The following PCDHGB6 variants were observed in gnomAD, a reference collection of about 807,000 sequenced individuals.
The protein encoded by PCDHGB6 is protocadherin gamma-B6.
PCDHGB6 carries 51 observed loss-of-function variants against 59.1 expected under a neutral mutation model. The observed-to-expected ratio is 0.86, with a 90% CI of 0.69 to 1.09. The LOEUF is 1.09. Among genes scored for constraint, PCDHGB6 ranks in the 50% least tolerant of loss-of-function variants. PCDHGB6 has a pLI of 0.00. For missense variants in PCDHGB6, 1,148 were observed against 1,205.1 expected (o/e 0.95, Z 0.70); for synonymous variants, 466 against 495.1 (o/e 0.94, Z 0.78).
At chr5:141,429,329 A>G (rs1561840804) in intron 1 of PCDHGB6, among the ~76,000 whole-genome samples, 1 of 152,122 alleles carries the variant, frequency 6.6e-6, no homozygotes, top group Non-Finnish European at 1.5e-5. Flanking sequence ...TCTTTAATCC[A>G]TTAACTATAA....
chr5:141,410,653 A>G (rs1272999564), intron 1 of PCDHGB6, 33 bp downstream of exon 1: 9 of 1,589,886 alleles, frequency 5.7e-6, no homozygotes, highest in Non-Finnish European at 7.7e-6. Context: ...TGATTTATCT[A>G]ATAGTCTACT....
Position 141,409,879 on chromosome 5 carries a change from A to C in PCDHGB6, c.1677A>C (p.Ala559=). Reference sequence around the variant, plus strand: ...TGGTGGGAGACCGCAATGACAACGCACCGCGGGTGCTGTACCCAGCTCTGG... The same window carrying C: ...TGGTGGGAGACCGCAATGACAACGCCCCGCGGGTGCTGTACCCAGCTCTGG... ...RVLVGDRNDN[A]PRVLYPALGP... Residue 559 remains alanine (A), a synonymous_variant, in exon 1 of 4, where the codon GCA becomes GCC. Transcript: ENST00000520790. 6.2e-7 allele frequency: 1 copy of C among 1,612,852 alleles called. No homozygotes were observed.
chr5:141,433,837 C>CAAA lies in PCDHGB6; in HGVS notation c.2418+23233_2418+23235dup, dbSNP rs56191208. The stretch of plus-strand genomic sequence containing the variant: ...GGGCAACAAGAGTGAAACTCTATCT[C>CAAA]AAAAAAAAAAAAAAAAAACTTTATC... On this transcript the variant is annotated intron_variant, in intron 1 of 3. Transcript: ENST00000520790. 4.3e-3 allele frequency among the ~76,000 whole-genome samples: 475 copies of CAAA among 111,672 alleles called. 6 individuals carry two copies. The highest frequency in any genetic ancestry group is 0.013 in the African/African-American group (431 of 32,292). The allele number at this position is 111,672 out of a possible 152,430, so 73.3% of individuals were successfully genotyped here.
rs747179611 is a variant in PCDHGB6 at position 141,476,473 on chromosome 5, C to T, written c.2419-18334C>T. ...TAGTGGAGAACCCGCTGGAGCTGTT[C>T]AGCGTGGAAGTGGTGATCCAGGACA... On this transcript the variant is annotated intron_variant, in intron 1 of 3. Coordinates refer to ENST00000520790, the MANE Select transcript of PCDHGB6 (RefSeq NM_018926.3). The surrounding 1 kb of genome is among the most constrained non-coding windows in gnomAD (Gnocchi z 7.6). 3.1e-6 allele frequency: 5 copies of T among 1,613,888 alleles called. No homozygotes were observed. The highest frequency in any genetic ancestry group is 3.3e-5 in the Admixed American group (2 of 59,984).
At chr5:141,500,618 C>A (rs554274946) in intron 2 of PCDHGB6, among the ~76,000 whole-genome samples, 27 of 152,260 alleles carry the variant, frequency 1.8e-4, no homozygotes, top group African/African-American at 6.5e-4. Context: ...CCCAGTCATA[C>A]GGTACATTTC....
intron 1 of PCDHGB6, chr5:141,412,671 A>T (rs1335241581): frequency 6.6e-6 from 1 of 152,290 alleles, no homozygotes; most frequent in Non-Finnish European, 1.5e-5. Flanking sequence ...AATATGACCT[A>T]AAATAAGTAT....
intron 1 of PCDHGB6, among the ~76,000 whole-genome samples, chr5:141,472,924 T>G (rs1247655318): frequency 2.0e-5 from 3 of 147,960 alleles, no homozygotes; most frequent in African/African-American, 7.5e-5. Flanking sequence ...AGGAGGAGGT[T>G]GTGGTGAGCC....
At chr5:141,484,404 G>C (rs1333849091) in intron 1 of PCDHGB6, among the ~76,000 whole-genome samples, 3 of 152,174 alleles carry the variant, frequency 2.0e-5, no homozygotes, top group Non-Finnish European at 4.4e-5. Flanking sequence ...GGTTTCCGCT[G>C]TGTCTCCTGT....
Position 141,485,731 on chromosome 5 carries a change from C to T in PCDHGB6, c.2419-9076C>T, listed in dbSNP as rs1440070106. The T allele has an allele frequency of 1.9e-6, 3 of 1,614,036 alleles. No individual in the cohort carries two copies. The highest frequency in any genetic ancestry group is 2.2e-5 in the South Asian group (2 of 91,080). On this transcript the variant is annotated intron_variant, in intron 1 of 3. Transcript: ENST00000520790. This position sits in a 1 kb window ranked among gnomAD's most constrained non-coding sequence, Gnocchi z 5.7. ...TTGCACTGGATGTGAAGAAGCGCAG[C>T]GACGGCAGCCTGGTCCCAGAGCTGC...
At chr5:141,418,828 C>G in intron 1 of PCDHGB6, 1 of 1,613,978 alleles carries the variant, frequency 6.2e-7, no homozygotes, top group Non-Finnish European at 8.5e-7. Flanking sequence ...AAGCAAAAGA[C>G]CGAGGATCTC....
Position 141,431,003 on chromosome 5 carries a change from G to C in PCDHGB6, c.2418+20383G>C. The C allele has an allele frequency of 6.2e-7, 1 of 1,614,078 alleles. No individual in the cohort carries two copies. The highest frequency in any genetic ancestry group is 8.5e-7 in the Non-Finnish European group (1 of 1,179,974). On this transcript the variant is annotated intron_variant, in intron 1 of 3. Transcript: ENST00000520790. The surrounding 1 kb of genome is among the most constrained non-coding windows in gnomAD (Gnocchi z 4.8). ...GCTTTTCGCCCTGAATCCGCGCAGC[G>C]GCAGCTTGGTCACGGCGGGCAGGAT... is the stretch of plus-strand genomic sequence containing the variant.
chr5:141,418,517 C>G, intron 1 of PCDHGB6: 1 of 1,613,918 alleles, frequency 6.2e-7, no homozygotes. Flanking sequence ...TGGTGGGGAC[C>G]CTCCCCGAAG....
At chr5:141,435,863 C>T (rs772361494) in intron 1 of PCDHGB6, among the ~76,000 whole-genome samples, 16 of 151,882 alleles carry the variant, frequency 1.1e-4, no homozygotes, top group Non-Finnish European at 2.2e-4. Context: ...TAGTTAAAAC[C>T]CAGAAAAGAG....
chr5:141,426,971 G>A, intron 1 of PCDHGB6: 1 of 456,732 alleles, frequency 2.2e-6, no homozygotes, highest in South Asian at 1.5e-5. Context: ...TTCAAATTGA[G>A]GTCACTGATG....
chr5:141,452,387 G>A (rs1052689230), intron 1 of PCDHGB6, among the ~76,000 whole-genome samples: 5 of 152,146 alleles, frequency 3.3e-5, no homozygotes, highest in African/African-American at 1.2e-4. Context: ...ATAGTATTTA[G>A]AAACTAAGAT....
chr5:141,505,362 G>A (rs766427680), intron 2 of PCDHGB6, 31 bp from the exon 3 acceptor site: 1 of 1,613,966 alleles, frequency 6.2e-7, no homozygotes, highest in Non-Finnish European at 8.5e-7. Flanking sequence ...CGGCCTGGGA[G>A]TCTGTGCTCA....
intron 1 of PCDHGB6, among the ~76,000 whole-genome samples, chr5:141,464,022 TG>T (rs948245337): frequency 1.3e-5 from 2 of 151,716 alleles, no homozygotes; most frequent in African/African-American, 4.8e-5. Context: ...TCCCACACTT[TG>T]GGAGGCCAAG....
intron 2 of PCDHGB6, among the ~76,000 whole-genome samples, chr5:141,504,359 A>C (rs988295720): frequency 2.6e-5 from 4 of 152,044 alleles, no homozygotes; most frequent in African/African-American, 9.7e-5. Flanking sequence ...TAGGTGCTTC[A>C]GTAGGAAGCA....
Position 141,511,565 on chromosome 5 carries a change from AG to A in PCDHGB6, c.*393del, listed in dbSNP as rs2099883852. 6.8e-6 allele frequency: 2 copies of A among 296,092 alleles called. No homozygotes were observed. Among genetic ancestry groups the A allele is most frequent in the South Asian group, 7.4e-5 (2 of 26,988 alleles). The allele number at this position is 296,092 out of a possible 1,614,324, so 18.3% of individuals were successfully genotyped here. On this transcript the variant is annotated 3_prime_UTR_variant, in exon 4 of 4. Transcript: ENST00000520790. ...CCACTCCAACAGTTCCTCTTTCCCG[AG>A]TAAGGTGGTTGGGGTGTTGAAGTAC...
Sources: gnomAD v4.1 joint callset for allele counts (sites outside exome capture counted in the v4.1 genomes callset) on GRCh38, gnomAD v4.1.1 for gene constraint, Gnocchi (gnomAD v3.1) non-coding constraint, MANE v1.5 for transcripts, NCBI Gene and HGNC (gene_info 2026-07-23, HGNC 2026-07-21) for gene names.